Variants in SNX29 observed in about 807,000 individuals in gnomAD.
SNX29 encodes the protein sorting nexin 29.
Under a neutral mutation model 102.1 loss-of-function variants are expected in SNX29, and 78 were observed. The observed-to-expected ratio is 0.76, with a 90% CI of 0.64 to 0.92. The LOEUF (loss-of-function observed/expected upper bound fraction) is 0.92, where lower values mean the gene tolerates loss of function less well. Ranked by LOEUF, SNX29 falls within the 40% of genes least tolerant of loss-of-function variation. The pLI is 0.00. For synonymous variants in SNX29, 580 were observed against 414.5 expected, an observed-to-expected ratio of 1.40 and a Z score of -4.85; for missense variants, 1,280 against 1,061.7, an observed-to-expected ratio of 1.21 and a Z score of -2.86.
rs1297224410 is a variant in SNX29, at chr16:12,036,330, C to G, written c.248-6567C>G. Among the ~76,000 whole-genome samples, 11 of 117,672 alleles carry G rather than the reference C, an allele frequency of 9.3e-5. No homozygotes were observed. In the East Asian group the frequency reaches 2.5e-3, roughly 27 times the overall value. The allele number at this position is 117,672 out of a possible 152,430, so 77.2% of individuals were successfully genotyped here. Reference sequence around the variant, plus strand: ...TCTTGGGTTTTCTGTGTTTTTCTTTCTTTCTTTTTTTTTTTTTTTTTTGAG... The same window carrying G: ...TCTTGGGTTTTCTGTGTTTTTCTTTGTTTCTTTTTTTTTTTTTTTTTTGAG... On this transcript the variant is annotated intron_variant, in intron 4 of 20. Coordinates refer to ENST00000566228, the MANE Select transcript of SNX29 (RefSeq NM_032167.5).
intron 14 of SNX29, among the ~76,000 whole-genome samples, chr16:12,224,506 C>G (rs546950584): frequency 6.6e-6 from 1 of 152,122 alleles, no homozygotes; most frequent in African/African-American, 2.4e-5. Flanking sequence ...GCTGGAGCAC[C>G]GTGTGGAGCT....
At chr16:12,563,205 G>A (rs913263528) in intron 20 of SNX29, among the ~76,000 whole-genome samples, 4 of 41,174 alleles carry the variant, frequency 9.7e-5, no homozygotes, top group African/African-American at 3.2e-4. Context: ...AACATGCTGG[G>A]ATTGAGGCTC....
At chr16:12,203,675 G>A (rs1028561690) in intron 14 of SNX29, among the ~76,000 whole-genome samples, 1 of 152,168 alleles carries the variant, frequency 6.6e-6, no homozygotes, top group Non-Finnish European at 1.5e-5. Context: ...TTCCACAACA[G>A]GGTTGTTCTT....
chr16:12,505,173 A>G (rs1020539215), intron 19 of SNX29, among the ~76,000 whole-genome samples: 3 of 152,196 alleles, frequency 2.0e-5, no homozygotes, highest in Non-Finnish European at 4.4e-5. Flanking sequence ...ACAAACGTTT[A>G]TCTTCTTTAT....
intron 10 of SNX29, among the ~76,000 whole-genome samples, chr16:12,076,930 T>C (rs545103545): frequency 1.8e-4 from 28 of 152,342 alleles, no homozygotes; most frequent in East Asian, 1.9e-4. Flanking sequence ...TCAGAAGGAA[T>C]TGGTGTTGCC....
At chr16:12,407,263 T>C (rs777008639) in intron 18 of SNX29, among the ~76,000 whole-genome samples, 6 of 152,086 alleles carry the variant, frequency 3.9e-5, no homozygotes, top group Non-Finnish European at 7.4e-5. Flanking sequence ...TGATCTTTCT[T>C]AGGAAAAACA....
At chr16:12,459,595 C>G (rs1486536774) in intron 18 of SNX29, among the ~76,000 whole-genome samples, 1 of 152,154 alleles carries the variant, frequency 6.6e-6, no homozygotes, top group African/African-American at 2.4e-5. Context: ...CTGGGTCAGT[C>G]TGCATGCACG....
intron 15 of SNX29, among the ~76,000 whole-genome samples, chr16:12,286,927 A>G (rs548783862): frequency 1.6e-4 from 24 of 152,296 alleles, no homozygotes; most frequent in Middle Eastern, 6.8e-3. Flanking sequence ...TACCATAGTC[A>G]TACTTTAAAA....
chr16:12,158,850 G>C (rs2055664354), intron 13 of SNX29, among the ~76,000 whole-genome samples: 1 of 152,208 alleles, frequency 6.6e-6, no homozygotes, highest in Non-Finnish European at 1.5e-5. Context: ...GTGCTTGTCT[G>C]TTTAAGTATT....
At chr16:12,155,310 CCTGTGTTAA>C (rs1331857956) in intron 13 of SNX29, among the ~76,000 whole-genome samples, 3 of 152,116 alleles carry the variant, frequency 2.0e-5, no homozygotes, top group Non-Finnish European at 4.4e-5. Context: ...ATAGAAAAAT[CCTGTGTTAA>C]GTCGGTGGAT....
chr16:12,176,724 C>T (rs2076268836), intron 13 of SNX29, among the ~76,000 whole-genome samples: 1 of 152,076 alleles, frequency 6.6e-6, no homozygotes, highest in Non-Finnish European at 1.5e-5. Context: ...AGCCAATACC[C>T]CATGGATACC....
rs1458567337 is a variant in SNX29 at position 12,280,609 on chromosome 16, G to C, written c.1782+2573G>C. 3.3e-5 allele frequency among the ~76,000 whole-genome samples: 5 copies of C among 152,310 alleles called. No homozygotes were observed. The South Asian group carries it at 1.0e-3, about 32-fold the overall frequency. ...AGAAGTGTGAGGTTGAAGCAGACAT[G>C]TCCTCAAACGGCATTTACTGCACCG... On this transcript the variant is annotated intron_variant, in intron 15 of 20. Transcript: ENST00000566228.
intron 15 of SNX29, among the ~76,000 whole-genome samples, chr16:12,325,905 C>T (rs952639247): frequency 4.6e-5 from 7 of 151,954 alleles, no homozygotes; most frequent in African/African-American, 1.2e-4. Context: ...GGCATGTACC[C>T]GTAGTTTCGA....
At chr16:12,272,175 C>G (rs995654199) in intron 14 of SNX29, among the ~76,000 whole-genome samples, 1 of 152,148 alleles carries the variant, frequency 6.6e-6, no homozygotes, top group Admixed American at 6.5e-5. Flanking sequence ...CACCTCTGCC[C>G]CCACCAGTGT....
At chr16:12,477,590 G>A in intron 18 of SNX29, 129 bp from the exon 19 acceptor site, 1 of 1,055,876 alleles carries the variant, frequency 9.5e-7, no homozygotes, top group South Asian at 1.5e-5. Context: ...CCAGGAACTG[G>A]GCATCCAGTG....
intron 18 of SNX29, among the ~76,000 whole-genome samples, 193 bp downstream of exon 18, chr16:12,403,722 G>GTGGGCCTCT (rs1300546145): frequency 6.6e-6 from 1 of 152,228 alleles, no homozygotes; most frequent in African/African-American, 2.4e-5. Flanking sequence ...GGGGGATACG[G>GTGGGCCTCT]TGGGCCTCTT....
chr16:12,153,693 G>T (rs1222635976), intron 13 of SNX29, among the ~76,000 whole-genome samples: 1 of 150,892 alleles, frequency 6.6e-6, no homozygotes, highest in African/African-American at 2.4e-5. Context: ...GCTCAGGCTG[G>T]TCTCGAACTC....
At chr16:12,277,912 C>A in intron 14 of SNX29, 21 bp from the exon 15 acceptor site, 1 of 1,578,510 alleles carries the variant, frequency 6.3e-7, no homozygotes. Flanking sequence ...ATATTTATGA[C>A]ATGTCTCTCT....
chr16:12,136,507 T>TCCA, intron 13 of SNX29, among the ~76,000 whole-genome samples: 1 of 152,248 alleles, frequency 6.6e-6, no homozygotes, highest in Middle Eastern at 3.4e-3. Context: ...AGCTGGGAAA[T>TCCA]CCAAGGACAG....
Sources: gnomAD v4.1 joint callset for allele counts (sites outside exome capture counted in the v4.1 genomes callset) on GRCh38, gnomAD v4.1.1 for gene constraint, MANE v1.5 for transcripts, NCBI Gene and HGNC (gene_info 2026-07-23, HGNC 2026-07-21) for gene names.